The following RTL4 variants were observed in gnomAD, a reference collection of about 807,000 sequenced individuals.
RTL4 encodes retrotransposon Gag-like protein 4.
RTL4 carries 4 observed loss-of-function variants against 5.3 expected under a neutral mutation model. That is an observed-to-expected ratio of 0.75 (90% CI 0.37 to 1.72). RTL4 has a LOEUF of 1.72. RTL4 is among the 40% of genes most tolerant of loss of function. RTL4 has a pLI of 0.04. For missense variants in RTL4, 260 were observed against 227.1 expected (o/e 1.14, Z -0.93); for synonymous variants, 98 against 87.3 (o/e 1.12, Z -0.68).
the RTL4 span, among the ~76,000 whole-genome samples, chrX:112,254,671 CG>C: frequency 9.2e-6 from 1 of 109,212 alleles, no homozygotes; most frequent in East Asian, 2.9e-4. Context: ...TGAACAGGGG[CG>C]GGGGGCATTA....
At chrX:112,103,194 A>G in the RTL4 span, among the ~76,000 whole-genome samples, 1 of 112,080 alleles carries the variant, frequency 8.9e-6, no homozygotes, top group Non-Finnish European at 1.9e-5. Flanking sequence ...ATGCCCATCA[A>G]TGATAGACTA....
the RTL4 span, among the ~76,000 whole-genome samples, chrX:112,155,444 T>C: frequency 9.0e-6 from 1 of 111,461 alleles, no homozygotes; most frequent in Middle Eastern, 4.6e-3. Flanking sequence ...AAAATAAAGA[T>C]AAGCCCTGTG....
At chrX:112,204,214 G>A in the RTL4 span, among the ~76,000 whole-genome samples, 26 of 112,331 alleles carry the variant, frequency 2.3e-4, no homozygotes, top group South Asian at 2.6e-3. Context: ...GAACGCTTGC[G>A]CACTGTTGGT....
chrX:112,220,328 A>C, the RTL4 span, among the ~76,000 whole-genome samples: 1 of 112,818 alleles, frequency 8.9e-6, no homozygotes, highest in Non-Finnish European at 1.9e-5. Context: ...ATTGAGTCAA[A>C]GATAACACTA....
the RTL4 span, among the ~76,000 whole-genome samples, chrX:112,155,995 C>T: frequency 8.9e-6 from 1 of 112,074 alleles, no homozygotes; most frequent in Non-Finnish European, 1.9e-5. Flanking sequence ...TCTAGCAGCT[C>T]AGCGTCAAAT....
chrX:112,316,325 A>G, the RTL4 span, among the ~76,000 whole-genome samples: 1 of 111,816 alleles, frequency 8.9e-6, no homozygotes, highest in East Asian at 2.8e-4. Context: ...TTAGGCATGT[A>G]TTATTTTGAG....
At chrX:112,299,270 A>G in the RTL4 span, among the ~76,000 whole-genome samples, 3 of 111,981 alleles carry the variant, frequency 2.7e-5, no homozygotes, top group African/African-American at 9.7e-5. Flanking sequence ...AACTTATTTT[A>G]CTTCAGTGTG....
At chrX:112,256,725 G>A in the RTL4 span, among the ~76,000 whole-genome samples, 18 of 111,482 alleles carry the variant, frequency 1.6e-4, no homozygotes, top group Non-Finnish European at 1.3e-4. Flanking sequence ...TTCTTCATAA[G>A]AGACTTACAC....
the RTL4 span, among the ~76,000 whole-genome samples, chrX:112,176,244 A>T: frequency 8.9e-6 from 1 of 112,195 alleles, no homozygotes; most frequent in Non-Finnish European, 1.9e-5. Context: ...CAAATGGAAG[A>T]ACATTCCATG....
chrX:112,330,792 C>G, the RTL4 span, among the ~76,000 whole-genome samples: 1 of 111,390 alleles, frequency 9.0e-6, no homozygotes, highest in Admixed American at 9.6e-5. Flanking sequence ...CAGCATGGTA[C>G]TGGTACCAAA....
At chrX:112,282,371 G>A in the RTL4 span, among the ~76,000 whole-genome samples, 126 of 111,997 alleles carry the variant, frequency 1.1e-3, no homozygotes, top group African/African-American at 3.9e-3. Context: ...GCATCATGCT[G>A]TTTTGATTTC....
chrX:112,224,427 C>T, the RTL4 span, among the ~76,000 whole-genome samples: 2 of 108,857 alleles, frequency 1.8e-5, no homozygotes, highest in African/African-American at 6.7e-5. Context: ...CTGCAACCTC[C>T]GCCTCCCAGG....
the RTL4 span, among the ~76,000 whole-genome samples, chrX:112,177,111 C>G: frequency 9.1e-6 from 1 of 109,664 alleles, no homozygotes. Flanking sequence ...TAGGTTGATT[C>G]CAGTCTTTTC....
chrX:112,127,073 T>C, the RTL4 span, among the ~76,000 whole-genome samples: 1 of 111,865 alleles, frequency 8.9e-6, no homozygotes, highest in Non-Finnish European at 1.9e-5. Context: ...TATTTTATGA[T>C]ACCAGCATTA....
exon 1 of RTL4, chrX:112,456,548 G>A (rs186600793): frequency 1.4e-5 from 4 of 295,205 alleles, no homozygotes; most frequent in Middle Eastern, 9.2e-4. Context: ...TGAGAGTTGG[G>A]GATGGTGTGT....
the RTL4 span, among the ~76,000 whole-genome samples, chrX:112,290,736 G>GT: frequency 0.014 from 1,616 of 112,164 alleles, 35 homozygotes; most frequent in African/African-American, 0.049. Flanking sequence ...GCACAGAGTT[G>GT]TTTTAGCAAT....
At chrX:112,363,185 C>A in the RTL4 span, among the ~76,000 whole-genome samples, 7 of 110,924 alleles carry the variant, frequency 6.3e-5, no homozygotes, top group African/African-American at 2.3e-4. Flanking sequence ...ATGGGAGGCT[C>A]GCAGATTGTC....
At chrX:112,421,461 T>C in the RTL4 span, among the ~76,000 whole-genome samples, 4 of 112,261 alleles carry the variant, frequency 3.6e-5, no homozygotes, top group South Asian at 1.1e-3. Flanking sequence ...TGAATTATCA[T>C]GAACTTTTAC....
chrX:112,122,446 G>C, the RTL4 span, among the ~76,000 whole-genome samples: 1 of 110,489 alleles, frequency 9.1e-6, no homozygotes, highest in Admixed American at 9.7e-5. Context: ...AGGGGAGTGG[G>C]GAGGTGAGGG....
Sources: gnomAD v4.1 joint callset for allele counts (sites outside exome capture counted in the v4.1 genomes callset) on GRCh38, gnomAD v4.1.1 for gene constraint, MANE v1.5 for transcripts, NCBI Gene and HGNC (gene_info 2026-07-23, HGNC 2026-07-21) for gene names.